The following STAT3 variants were observed in gnomAD, a reference collection of about 807,000 sequenced individuals.
STAT3 encodes the protein DNA-binding protein APRF.
Under a neutral mutation model 114.3 loss-of-function variants are expected in STAT3, and 7 were observed. The ratio of observed to expected loss-of-function variants is 0.06; its 90% CI spans 0.03 to 0.11. The LOEUF is 0.11. STAT3 is among the 10% of genes least tolerant of loss of function. The pLI is 1.00. For synonymous variants in STAT3, 331 were observed against 354.5 expected, an observed-to-expected ratio of 0.93 and a Z score of 0.74; for missense variants, 364 against 960.9, an observed-to-expected ratio of 0.38 and a Z score of 8.21.
intron 1 of STAT3, among the ~76,000 whole-genome samples, chr17:42,365,657 T>TTG (rs2083746041): frequency 6.8e-6 from 1 of 146,416 alleles, no homozygotes; most frequent in Non-Finnish European, 1.5e-5. Flanking sequence ...TTTTTGTTTT[T>TTG]TTTTGTTTTT....
At chr17:42,320,998 C>T (rs975178787) in intron 21 of STAT3, among the ~76,000 whole-genome samples, 4 of 151,612 alleles carry the variant, frequency 2.6e-5, no homozygotes, top group African/African-American at 4.9e-5. Context: ...TGTTGCCAGG[C>T]TGGTCTTGAG....
intron 1 of STAT3, among the ~76,000 whole-genome samples, chr17:42,353,879 T>C (rs775466846): frequency 1.3e-5 from 2 of 152,084 alleles, no homozygotes; most frequent in Middle Eastern, 3.2e-3. Flanking sequence ...CAGCCAAAAA[T>C]AGACTATTTA....
At position 42,358,933 on chromosome 17, in the gene STAT3, C is replaced by CTTTTTTTTTTTT. The variant is rs35099574; in HGVS notation, c.-23-10406_-23-10395dup. 4.8e-4 allele frequency among the ~76,000 whole-genome samples: 48 copies of CTTTTTTTTTTTT among 100,448 alleles called. 2 individuals are homozygous for CTTTTTTTTTTTT. Among genetic ancestry groups the CTTTTTTTTTTTT allele is most frequent in the African/African-American group, 9.0e-4 (23 of 25,510 alleles). The allele number at this position is 100,448 out of a possible 152,430, so 65.9% of individuals were successfully genotyped here. A position where few individuals can be genotyped will look rare whatever the true frequency, so the allele number is the denominator to read the frequency against. The stretch of plus-strand genomic sequence containing the variant: ...GTCTCCCTTTCATGGACATTTCTTA[C>CTTTTTTTTTTTT]TTTTTTTTTTTTTTTTTTTGAGATG... On this transcript the variant is annotated intron_variant, in intron 1 of 23. Transcript: ENST00000264657.
At position 42,313,854 on chromosome 17, in the gene STAT3, G is replaced by C. The variant is rs1240359704; in HGVS notation, c.*1891C>G. On this transcript the variant is annotated 3_prime_UTR_variant, in exon 24 of 24. Coordinates refer to ENST00000264657, the MANE Select transcript of STAT3 (RefSeq NM_139276.3). Reference sequence around the variant, plus strand: ...AAGAGCTCTGCATGACACATCAACTGTCTCCAGGCAGGAGGACTGGGGCGA... The same window carrying C: ...AAGAGCTCTGCATGACACATCAACTCTCTCCAGGCAGGAGGACTGGGGCGA... 1 of 232,822 alleles carries C rather than the reference G, an allele frequency of 4.3e-6. No homozygotes were observed. Among genetic ancestry groups the C allele is most frequent in the Non-Finnish European group, 8.5e-6 (1 of 117,514 alleles). The allele number at this position is 232,822 out of a possible 1,614,324, so 14.4% of individuals were successfully genotyped here. A position where few individuals can be genotyped will look rare whatever the true frequency, so the allele number is the denominator to read the frequency against.
chr17:42,361,800 T>G (rs1043475455), intron 1 of STAT3, among the ~76,000 whole-genome samples: 10 of 152,012 alleles, frequency 6.6e-5, no homozygotes, highest in Non-Finnish European at 1.0e-4. Flanking sequence ...CCAAGGGCAA[T>G]GGGGTAAGTC....
intron 23 of STAT3, chr17:42,316,588 A>T: frequency 7.2e-7 from 1 of 1,389,598 alleles, no homozygotes; most frequent in Non-Finnish European, 9.8e-7. Flanking sequence ...TATTGTAAAA[A>T]TTAAGTTCGT....
At chr17:42,373,840 G>A (rs568769426) in intron 1 of STAT3, among the ~76,000 whole-genome samples, 5 of 147,428 alleles carry the variant, frequency 3.4e-5, no homozygotes, top group African/African-American at 1.3e-4. Flanking sequence ...AGCCGAGATC[G>A]CGCCACTACA....
chr17:42,320,514 G>C (rs1321020757), intron 21 of STAT3, among the ~76,000 whole-genome samples: 2 of 152,168 alleles, frequency 1.3e-5, no homozygotes, highest in African/African-American at 2.4e-5. Flanking sequence ...CAGATCACCT[G>C]AGGTCAGGAG....
At chr17:42,320,355 T>C (rs922198819) in intron 21 of STAT3, among the ~76,000 whole-genome samples, 12 of 152,320 alleles carry the variant, frequency 7.9e-5, no homozygotes, top group African/African-American at 2.9e-4. Flanking sequence ...GGTAGGTTTC[T>C]GTGTGTGTGC....
chr17:42,380,872 C>T (rs534346023), intron 1 of STAT3, among the ~76,000 whole-genome samples: 2 of 152,080 alleles, frequency 1.3e-5, no homozygotes, highest in South Asian at 2.1e-4. Context: ...GTGATCTCAC[C>T]GCTGCACTCC....
chr17:42,376,408 G>A (rs1044878018), intron 1 of STAT3, among the ~76,000 whole-genome samples: 2 of 151,754 alleles, frequency 1.3e-5, no homozygotes, highest in African/African-American at 2.4e-5. Flanking sequence ...TTAGCTGTGC[G>A]TGGTGGCACA....
At chr17:42,387,872 G>C (rs1055535475) in intron 1 of STAT3, 1 of 169,694 alleles carries the variant, frequency 5.9e-6, no homozygotes. Context: ...CGACCGGGCG[G>C]GGAGGAGGCG....
At position 42,333,786 on chromosome 17, in the gene STAT3, C is replaced by T; in HGVS notation, c.957-21G>A. On this transcript the variant is annotated intron_variant, in intron 9 of 23. Transcript: ENST00000264657. This position sits in a 1 kb window ranked among gnomAD's most constrained non-coding sequence, Gnocchi z 5.2. ...AGGCACTGAGGAAAGAGAAGATGGG[C>T]TCACGCGCCACGGCCATGACCAGAA... 2 of 1,614,186 alleles carry T rather than the reference C, an allele frequency of 1.2e-6. No homozygotes were observed. Among genetic ancestry groups the T allele is most frequent in the African/African-American group, 2.7e-5 (2 of 75,054 alleles).
At position 42,339,341 on chromosome 17, in the gene STAT3, G is replaced by A; in HGVS notation, c.441C>T (p.His147=). ...VTEKQQMLEQ[H]LQDVRKRVQD... ...GCACTCTCTTCCGGACATCCTGAAG[G>A]TGCTGCTCCAGCATCTGCTGCTTCT... is the stretch of plus-strand genomic sequence containing the variant. Residue 147 remains histidine, a synonymous_variant, in exon 5 of 24, where the codon CAC becomes CAT. Transcript: ENST00000264657. The A allele has an allele frequency of 2.5e-6, 4 of 1,614,060 alleles. No individual in the cohort carries two copies. The highest frequency in any genetic ancestry group is 1.6e-4 in the Middle Eastern group (1 of 6,062).
At chr17:42,346,918 G>C (rs2082723301) in intron 2 of STAT3, among the ~76,000 whole-genome samples, 1 of 152,084 alleles carries the variant, frequency 6.6e-6, no homozygotes, top group African/African-American at 2.4e-5. Context: ...GCCAGGCATG[G>C]TGGCTCATGC....
chr17:42,350,711 AG>A (rs2082906098), intron 1 of STAT3, among the ~76,000 whole-genome samples: 1 of 152,226 alleles, frequency 6.6e-6, no homozygotes, highest in Non-Finnish European at 1.5e-5. Context: ...GCATATATTC[AG>A]GGAAGTGCAG....
intron 1 of STAT3, among the ~76,000 whole-genome samples, chr17:42,351,459 C>G (rs1385056951): frequency 6.6e-6 from 1 of 152,218 alleles, no homozygotes; most frequent in East Asian, 1.9e-4. Flanking sequence ...TGGTCTCAAA[C>G]TCCTAGACTC....
Position 42,337,540 on chromosome 17 carries a change from A to C in STAT3, c.692T>G (p.Val231Gly). The change falls in exon 8 of 24, where the codon GTG (valine) becomes GGG (glycine). Residue 231 changes from valine (V) to glycine (G), a missense_variant. Val to Gly is a moderately radical substitution (Grantham distance 109). Around this residue, in one of 5 missense-constraint regions of STAT3, gnomAD observed 294 missense variants for 745.1 expected, o/e 0.39. Transcript: ENST00000264657. This position sits in a 1 kb window ranked among gnomAD's most constrained non-coding sequence, Gnocchi z 4.0. ...CTCCTCGTCCGTGAGAGTTTTCTGC[A>C]CGTACTCCATCGCTGACAAAAGCCC... ...LAGLLSAMEY[V>G]QKTLTDEELA... The C allele has an allele frequency of 1.9e-6, 3 of 1,614,208 alleles. No homozygotes were observed. The highest frequency in any genetic ancestry group is 2.5e-6 in the Non-Finnish European group (3 of 1,180,040).
At chr17:42,381,850 C>T (rs1362840646) in intron 1 of STAT3, among the ~76,000 whole-genome samples, 1 of 151,780 alleles carries the variant, frequency 6.6e-6, no homozygotes, top group African/African-American at 2.4e-5. Context: ...ATGTAAAACA[C>T]ACATTTTATA....
Sources: allele counts gnomAD v4.1 joint callset (sites outside exome capture counted in the v4.1 genomes callset), GRCh38; gene constraint gnomAD v4.1.1; regional missense constraint gnomAD v4.1.1; non-coding constraint Gnocchi (gnomAD v3.1); transcripts MANE v1.5; gene names NCBI Gene and HGNC (gene_info 2026-07-23, HGNC 2026-07-21).